SUGCT: variants seen among roughly 807,000 people sequenced by gnomAD.
SUGCT encodes the protein succinyl-CoA:glutarate-CoA transferase.
Under a neutral mutation model 55.0 loss-of-function variants are expected in SUGCT, and 41 were observed. The ratio of observed to expected loss-of-function variants is 0.74; its 90% CI spans 0.58 to 0.97. The LOEUF (loss-of-function observed/expected upper bound fraction) is 0.97, where lower values mean the gene tolerates loss of function less well. Ranked by LOEUF, SUGCT falls within the 50% of genes least tolerant of loss-of-function variation. The probability of loss-of-function intolerance (pLI) is 0.00; values close to 1 mark genes in which losing one functional copy is unlikely to be tolerated. For synonymous variants in SUGCT, 187 were observed against 200.4 expected (o/e 0.93, Z 0.56); for missense variants, 568 against 547.8 (o/e 1.04, Z -0.37).
At chr7:40,792,823 C>A (rs1790379329) in intron 13 of SUGCT, among the ~76,000 whole-genome samples, 1 of 152,050 alleles carries the variant, frequency 6.6e-6, no homozygotes, top group Admixed American at 6.6e-5. Flanking sequence ...GCCTTTGGAG[C>A]ACAAGGTTAG....
chr7:40,500,808 T>A (rs4723965), intron 12 of SUGCT, among the ~76,000 whole-genome samples: 139,215 of 152,194 alleles, frequency 0.91, 63,849 homozygotes, highest in East Asian at 1. Context: ...TATAGCAAAC[T>A]TCAGAAGCAC....
intron 13 of SUGCT, among the ~76,000 whole-genome samples, chr7:40,789,796 C>G (rs1292886515): frequency 6.6e-6 from 1 of 152,180 alleles, no homozygotes; most frequent in African/African-American, 2.4e-5. Flanking sequence ...TTATAAAGCA[C>G]TGCATTAGGT....
intron 12 of SUGCT, among the ~76,000 whole-genome samples, chr7:40,745,296 C>T (rs1159933973): frequency 6.6e-6 from 1 of 152,084 alleles, no homozygotes; most frequent in Admixed American, 6.6e-5. Context: ...TCTCACTTTC[C>T]ATAAATATTT....
At chr7:40,888,618 T>C in the SUGCT span, among the ~76,000 whole-genome samples, 54 of 152,274 alleles carry the variant, frequency 3.5e-4, no homozygotes, top group African/African-American at 1.3e-3. Flanking sequence ...AAAATAACCA[T>C]GTCACATAAT....
chr7:40,462,949 TACTC>T (rs961124430), intron 11 of SUGCT, among the ~76,000 whole-genome samples: 7 of 152,238 alleles, frequency 4.6e-5, no homozygotes, highest in African/African-American at 1.7e-4. Flanking sequence ...CTGTACCTGT[TACTC>T]ATTTATTGTA....
intron 13 of SUGCT, among the ~76,000 whole-genome samples, chr7:40,782,151 A>G (rs1789784896): frequency 6.6e-6 from 1 of 152,070 alleles, no homozygotes; most frequent in Admixed American, 6.6e-5. Context: ...TTTTAGAAGT[A>G]CAGTGTTAAT....
At chr7:40,958,778 G>T in the SUGCT span, among the ~76,000 whole-genome samples, 8 of 152,188 alleles carry the variant, frequency 5.3e-5, no homozygotes, top group South Asian at 6.2e-4. Context: ...TTTTGCACTG[G>T]TTTTTCCTCA....
the SUGCT span, among the ~76,000 whole-genome samples, chr7:40,928,447 A>G: frequency 6.6e-6 from 1 of 151,768 alleles, no homozygotes; most frequent in African/African-American, 2.4e-5. Context: ...TGATTTTTCT[A>G]TTGTTTCTTT....
rs78172918 is a variant in SUGCT at position 40,358,156 on chromosome 7, A to G, written c.816+41301A>G. Among the ~76,000 whole-genome samples, 8 of 152,370 alleles carry G rather than the reference A, an allele frequency of 5.3e-5. No homozygotes were observed. The East Asian group carries it at 1.5e-3, about 29-fold the overall frequency. ...GAAATGAATGAATGATATGCTGTCT[A>G]TCCTACACAATATGTGGGAGCTTAA... On this transcript the variant is annotated intron_variant, in intron 9 of 13. Coordinates refer to ENST00000335693, the MANE Select transcript of SUGCT (RefSeq NM_001193313.2).
chr7:40,773,393 T>C (rs1789282950), intron 13 of SUGCT, among the ~76,000 whole-genome samples: 1 of 152,180 alleles, frequency 6.6e-6, no homozygotes, highest in Non-Finnish European at 1.5e-5. Flanking sequence ...CCTCCCAAAA[T>C]GCTGTGATTA....
rs11307043 is a variant in SUGCT at position 40,800,286 on chromosome 7, C to CT, written c.1153+50808dup. ...CAGGGTTGGGGTGTCGTATTCATGA[C>CT]TTTTTTTTTTTTTTTTTTTGAGACA... On this transcript the variant is annotated intron_variant, in intron 13 of 13. Coordinates refer to ENST00000335693, the MANE Select transcript of SUGCT (RefSeq NM_001193313.2). 1.8e-3 allele frequency among the ~76,000 whole-genome samples: 225 copies of CT among 124,628 alleles called. 2 individuals are homozygous for CT. The highest frequency in any genetic ancestry group is 0.016 in the South Asian group (59 of 3,744). 81.8% of individuals were successfully genotyped at this position (124,628 alleles called of 152,430 possible).
chr7:40,328,992 A>C (rs553835504), intron 9 of SUGCT, among the ~76,000 whole-genome samples: 62 of 152,088 alleles, frequency 4.1e-4, no homozygotes, highest in Admixed American at 5.9e-4. Flanking sequence ...CTCTGTGTGG[A>C]GGTCAGGGCT....
chr7:40,763,303 A>G (rs913176327), intron 13 of SUGCT, among the ~76,000 whole-genome samples: 2 of 152,180 alleles, frequency 1.3e-5, no homozygotes, highest in African/African-American at 2.4e-5. Context: ...GTGTGGCATT[A>G]GAATCCTCAT....
chr7:40,326,155 A>C (rs1584688267), intron 9 of SUGCT, among the ~76,000 whole-genome samples: 1 of 152,072 alleles, frequency 6.6e-6, no homozygotes, highest in Non-Finnish European at 1.5e-5. Flanking sequence ...TGGGGTAGGC[A>C]GTGTTTTAGT....
the SUGCT span, among the ~76,000 whole-genome samples, chr7:41,024,763 C>T: frequency 7.8e-6 from 1 of 127,472 alleles, no homozygotes; most frequent in Non-Finnish European, 1.8e-5. Context: ...ATGGGTACAG[C>T]CCCCTGAGTG....
chr7:40,173,363 G>A (rs555878357), intron 1 of SUGCT, among the ~76,000 whole-genome samples: 2 of 152,328 alleles, frequency 1.3e-5, no homozygotes, highest in South Asian at 2.1e-4. Context: ...GCGGGTCTGC[G>A]ACAGCAGCAA....
chr7:41,011,497 C>T, the SUGCT span, among the ~76,000 whole-genome samples: 2 of 152,330 alleles, frequency 1.3e-5, no homozygotes, highest in East Asian at 3.9e-4. Context: ...GGGGTATCCC[C>T]CAACCTCTAG....
At chr7:40,495,849 C>A (rs1173320014) in intron 11 of SUGCT, among the ~76,000 whole-genome samples, 1 of 152,070 alleles carries the variant, frequency 6.6e-6, no homozygotes, top group Non-Finnish European at 1.5e-5. Context: ...TGTACTTTTC[C>A]CAAAGCTTTC....
At chr7:40,299,614 T>C (rs1794401248) in intron 8 of SUGCT, among the ~76,000 whole-genome samples, 1 of 150,610 alleles carries the variant, frequency 6.6e-6, no homozygotes, top group Non-Finnish European at 1.5e-5. Flanking sequence ...TTTTTTTATA[T>C]AAAATCTCTT....
Sources: allele counts gnomAD v4.1 joint callset (sites outside exome capture counted in the v4.1 genomes callset), GRCh38; gene constraint gnomAD v4.1.1; transcripts MANE v1.5; gene names NCBI Gene and HGNC (gene_info 2026-07-23, HGNC 2026-07-21).